The following NEGR1 variants were observed in gnomAD, a reference collection of about 807,000 sequenced individuals.
The protein encoded by NEGR1 is neuronal growth regulator 1.
In NEGR1, 10 loss-of-function variants were observed where a neutral mutation model predicts 40.9. The observed-to-expected ratio is 0.24, with a 90% CI of 0.15 to 0.42. The LOEUF is 0.42. Among genes scored for constraint, NEGR1 ranks in the 10% least tolerant of loss-of-function variants. The pLI is 1.00. For missense variants in NEGR1, 352 were observed against 438.9 expected (o/e 0.80, Z 1.77); for synonymous variants, 185 against 166.8 (o/e 1.11, Z -0.84).
intron 5 of NEGR1, 142 bp downstream of exon 5, chr1:71,610,884 G>A (rs1650228259): frequency 2.8e-6 from 2 of 722,514 alleles, no homozygotes; most frequent in East Asian, 2.5e-5. Context: ...CTCCCACGTG[G>A]GCCCCTTCAG....
intron 3 of NEGR1, among the ~76,000 whole-genome samples, chr1:71,765,187 A>G (rs1365761133): frequency 6.6e-6 from 1 of 152,152 alleles, no homozygotes; most frequent in Non-Finnish European, 1.5e-5. Context: ...GAACGGCCCA[A>G]TCCTTCCCTA....
In NEGR1 at chr1:71,812,481, C is replaced by A. The variant is rs546790745; in HGVS notation, c.410-36184G>T. Among the ~76,000 whole-genome samples the A allele has an allele frequency of 2.0e-5, 3 of 152,240 alleles. No individual in the cohort carries two copies. In the South Asian group the frequency reaches 6.2e-4, roughly 32 times the overall value. ...CTTTGAGAAATTGCCACACTGTCTT[C>A]CACAATAGTTGAACTAATTTACACT... On this transcript the variant is annotated intron_variant, in intron 2 of 6. Coordinates refer to ENST00000357731, the MANE Select transcript of NEGR1 (RefSeq NM_173808.3).
rs770731172 is a variant in NEGR1 at position 71,407,432 on chromosome 1, ATGGGTCTT to A, written c.*6_*13del. 58 of 1,610,522 alleles carry A rather than the reference ATGGGTCTT, an allele frequency of 3.6e-5. No homozygotes were observed. The highest frequency in any genetic ancestry group is 4.8e-5 in the Non-Finnish European group (57 of 1,177,816). On this transcript the variant is annotated 3_prime_UTR_variant, in exon 7 of 7. Coordinates refer to ENST00000357731, the MANE Select transcript of NEGR1 (RefSeq NM_173808.3). The stretch of plus-strand genomic sequence containing the variant: ...TTCAGAGAATCCTTAAAAGCCTTTT[ATGGGTCTT>A]TGAATTTATTGTAGAATGGCATTCT...
chr1:71,930,502 CTT>C (rs1557440855), intron 2 of NEGR1, among the ~76,000 whole-genome samples: 1 of 152,094 alleles, frequency 6.6e-6, no homozygotes, highest in Non-Finnish European at 1.5e-5. Context: ...CTACTCTTCT[CTT>C]GTTTATTTTG....
intron 1 of NEGR1, among the ~76,000 whole-genome samples, chr1:72,143,342 T>A (rs945715471): frequency 3.3e-5 from 5 of 151,924 alleles, no homozygotes; most frequent in African/African-American, 4.8e-5. Flanking sequence ...CCTGAGCCAG[T>A]CATGCCCAAA....
intron 1 of NEGR1, among the ~76,000 whole-genome samples, chr1:72,024,430 ATTAAATT>A (rs1418374972): frequency 6.6e-6 from 1 of 152,100 alleles, no homozygotes; most frequent in Non-Finnish European, 1.5e-5. Context: ...AATTCTTCAT[ATTAAATT>A]ATATGATGAG....
intron 1 of NEGR1, among the ~76,000 whole-genome samples, chr1:71,996,770 C>T (rs1014980634): frequency 9.9e-5 from 15 of 152,148 alleles, no homozygotes; most frequent in South Asian, 4.1e-4. Flanking sequence ...TCTTTGCTTT[C>T]GAGAACTTTC....
intron 4 of NEGR1, among the ~76,000 whole-genome samples, chr1:71,676,280 A>T (rs1200430938): frequency 6.6e-6 from 1 of 152,116 alleles, no homozygotes; most frequent in East Asian, 1.9e-4. Context: ...TATGCCTCAG[A>T]GGTTTTGTGG....
intron 6 of NEGR1, among the ~76,000 whole-genome samples, chr1:71,561,382 G>T (rs1648454229): frequency 6.6e-6 from 1 of 151,520 alleles, no homozygotes; most frequent in African/African-American, 2.4e-5. Context: ...TCCGCAGTTT[G>T]GATGATAAAC....
chr1:72,173,962 A>G (rs1183554275), intron 1 of NEGR1, among the ~76,000 whole-genome samples: 2 of 152,052 alleles, frequency 1.3e-5, no homozygotes, highest in East Asian at 3.9e-4. Flanking sequence ...TAATAATAAT[A>G]ATGATAGTGG....
At chr1:72,039,497 T>C (rs993507624) in intron 1 of NEGR1, among the ~76,000 whole-genome samples, 5 of 151,954 alleles carry the variant, frequency 3.3e-5, no homozygotes, top group Non-Finnish European at 7.4e-5. Context: ...TTTCTTCAGG[T>C]TTCTAATATT....
At chr1:71,698,639 T>C (rs1306137973) in intron 3 of NEGR1, among the ~76,000 whole-genome samples, 5 of 151,902 alleles carry the variant, frequency 3.3e-5, no homozygotes, top group Non-Finnish European at 7.4e-5. Context: ...CATTGCTATA[T>C]TTTGGTTTCC....
intron 2 of NEGR1, among the ~76,000 whole-genome samples, chr1:71,851,843 G>C (rs1350429847): frequency 6.6e-6 from 1 of 152,038 alleles, no homozygotes; most frequent in Non-Finnish European, 1.5e-5. Flanking sequence ...TATACTCTAA[G>C]TTTACTAATT....
chr1:71,953,458 C>T (rs1646090573), intron 1 of NEGR1, among the ~76,000 whole-genome samples: 1 of 151,820 alleles, frequency 6.6e-6, no homozygotes. Context: ...ATGGTATCTA[C>T]CCCTGGGGTA....
At chr1:71,800,902 C>CTGTT (rs1657533054) in intron 2 of NEGR1, among the ~76,000 whole-genome samples, 1 of 152,080 alleles carries the variant, frequency 6.6e-6, no homozygotes, top group Non-Finnish European at 1.5e-5. Flanking sequence ...GCAATCTTTT[C>CTGTT]TGTTTACTGC....
chr1:71,908,898 T>G (rs1661351174), intron 2 of NEGR1, among the ~76,000 whole-genome samples: 3 of 152,210 alleles, frequency 2.0e-5, no homozygotes, highest in African/African-American at 7.2e-5. Flanking sequence ...TTCTTTCTTT[T>G]CTTAAATTTA....
At chr1:71,851,590 G>C (rs1009205143) in intron 2 of NEGR1, among the ~76,000 whole-genome samples, 1 of 152,122 alleles carries the variant, frequency 6.6e-6, no homozygotes, top group African/African-American at 2.4e-5. Flanking sequence ...ATCTTGTTTA[G>C]TAAAAGAGAT....
intron 2 of NEGR1, among the ~76,000 whole-genome samples, chr1:71,782,867 C>T (rs1656765467): frequency 6.6e-6 from 1 of 152,084 alleles, no homozygotes. Context: ...TTTTCTTAGT[C>T]CTTTGCCTAC....
chr1:71,648,640 A>G (rs979075874), intron 4 of NEGR1, among the ~76,000 whole-genome samples: 18 of 151,994 alleles, frequency 1.2e-4, no homozygotes, highest in African/African-American at 9.7e-5. Flanking sequence ...TGGAAACTCT[A>G]TGTAAGGGTT....
Sources: allele counts gnomAD v4.1 joint callset (sites outside exome capture counted in the v4.1 genomes callset), GRCh38; gene constraint gnomAD v4.1.1; transcripts MANE v1.5; gene names NCBI Gene and HGNC (gene_info 2026-07-23, HGNC 2026-07-21).